Variants in AIM2 observed in about 807,000 individuals in gnomAD.
The protein encoded by AIM2 is interferon-inducible protein AIM2.
Under a neutral mutation model 27.7 loss-of-function variants are expected in AIM2, and 30 were observed. The ratio of observed to expected loss-of-function variants is 1.08; its 90% CI spans 0.81 to 1.47. AIM2 has a LOEUF of 1.47. Among genes scored for constraint, AIM2 ranks in the 40% most tolerant of loss-of-function variants. The probability of loss-of-function intolerance (pLI) is 0.00; values close to 1 mark genes in which losing one functional copy is unlikely to be tolerated. For synonymous variants in AIM2, 141 were observed against 145.3 expected, an observed-to-expected ratio of 0.97 and a Z score of 0.21; for missense variants, 358 against 411.3, an observed-to-expected ratio of 0.87 and a Z score of 1.12.
intron 1 of AIM2, among the ~76,000 whole-genome samples, chr1:159,102,409 G>T (rs961647590): frequency 6.6e-6 from 1 of 152,346 alleles, no homozygotes; most frequent in East Asian, 1.9e-4. Flanking sequence ...TGAGATAGGA[G>T]CCCCCACACA....
At chr1:159,077,809 A>T (rs1484846265), upstream of AIM2, among the ~76,000 whole-genome samples, 1 of 152,128 alleles carries the variant, frequency 6.6e-6, no homozygotes, top group Non-Finnish European at 1.5e-5. Flanking sequence ...TTCCTTTCTT[A>T]TTCATTGAAT....
chr1:159,089,540 A>C (rs1657001534), intron 1 of AIM2, among the ~76,000 whole-genome samples: 3 of 152,162 alleles, frequency 2.0e-5, no homozygotes, highest in Admixed American at 2.0e-4. Flanking sequence ...CCTTACCTAC[A>C]GGCTCCCCTG....
chr1:159,061,692 A>T (rs1367600315), downstream of AIM2, among the ~76,000 whole-genome samples: 3 of 150,570 alleles, frequency 2.0e-5, no homozygotes, highest in Non-Finnish European at 2.9e-5. Context: ...GGTGTGAGCC[A>T]CCGTGCCTGG....
chr1:159,073,188 C>T, intron 2 of AIM2, 50 bp downstream of exon 2: 1 of 1,607,080 alleles, frequency 6.2e-7, no homozygotes, highest in Non-Finnish European at 8.5e-7. Flanking sequence ...AAGGAAAGGC[C>T]CAGGCTTGGC....
intron 3 of AIM2, 103 bp from the exon 4 acceptor site, chr1:159,066,432 T>C: frequency 8.2e-7 from 1 of 1,219,382 alleles, no homozygotes; most frequent in Non-Finnish European, 1.1e-6. Context: ...CAGCAGAAGA[T>C]AGGTGGAATC....
At chr1:159,089,056 T>C (rs988006878) in intron 1 of AIM2, among the ~76,000 whole-genome samples, 2 of 152,242 alleles carry the variant, frequency 1.3e-5, no homozygotes, top group Non-Finnish European at 2.9e-5. Flanking sequence ...CCCTCCTTCA[T>C]ACTTTATTCA....
the AIM2 span, among the ~76,000 whole-genome samples, chr1:159,057,401 A>G: frequency 1.7e-3 from 253 of 152,340 alleles, no homozygotes; most frequent in Admixed American, 3.7e-3. Context: ...TGACACACCT[A>G]GATAACTGGT....
chr1:159,061,174 A>G (rs2101955770), downstream of AIM2, among the ~76,000 whole-genome samples: 1 of 152,300 alleles, frequency 6.6e-6, no homozygotes, highest in Middle Eastern at 3.4e-3. Context: ...AGCACTTGGT[A>G]TGGGTAATCT....
At chr1:159,125,556 G>A (rs138270843) in intron 1 of AIM2, among the ~76,000 whole-genome samples, 64 of 152,346 alleles carry the variant, frequency 4.2e-4, no homozygotes, top group African/African-American at 1.5e-3. Context: ...AAGCCAGAGA[G>A]AGAGAGAACA....
chr1:159,059,137 A>C (rs916679147), downstream of AIM2, among the ~76,000 whole-genome samples: 8 of 152,220 alleles, frequency 5.3e-5, no homozygotes, highest in African/African-American at 1.9e-4. Context: ...TCAAAGAGTG[A>C]AATAATAAAA....
Position 159,073,322 on chromosome 1 carries a change from A to G in AIM2, c.178T>C (p.Ser60Pro). Reference protein sequence around the residue: ...TLMIQNAGAVSAVMKTIRIFQ... With the variant: ...TLMIQNAGAVPAVMKTIRIFQ... ...ATACGAATGGTCTTCATCACTGCAG[A>G]CACCGCCCCAGCATTTTGAATCATC... is the stretch of plus-strand genomic sequence containing the variant. Residue 60 changes from serine (S) to proline (P), a missense_variant, in exon 2 of 6, where the codon TCT (serine) becomes CCT (proline). Physicochemically the swap from Ser to Pro is moderately conservative, Grantham distance 74. Transcript: ENST00000368130. The G allele has an allele frequency of 6.2e-7, 1 of 1,614,178 alleles. No homozygotes were observed. The highest frequency in any genetic ancestry group is 8.5e-7 in the Non-Finnish European group (1 of 1,180,036).
intron 1 of AIM2, among the ~76,000 whole-genome samples, chr1:159,100,885 G>A (rs1657296507): frequency 6.6e-6 from 1 of 152,144 alleles, no homozygotes; most frequent in Admixed American, 6.5e-5. Flanking sequence ...AATCTAAAGG[G>A]CACTGAGGAT....
rs1657471100 is a variant in AIM2, at chr1:159,107,327, T to C, written c.-16+33104A>G. Among the ~76,000 whole-genome samples the C allele has an allele frequency of 2.0e-5, 3 of 150,384 alleles. No individual in the cohort carries two copies. In the South Asian group the frequency reaches 6.2e-4, roughly 31 times the overall value. On this transcript the variant is annotated intron_variant, in intron 1 of 2. Transcript: ENST00000368129. Reference sequence around the variant, plus strand: ...GTGTATGTGTGTGTGTGTGTGTGTGTGTGTGCGCGCACTATAGCATGTTAC... The same window carrying C: ...GTGTATGTGTGTGTGTGTGTGTGTGCGTGTGCGCGCACTATAGCATGTTAC...
At chr1:159,072,489 T>G (rs1240235389) in intron 2 of AIM2, among the ~76,000 whole-genome samples, 1 of 152,250 alleles carries the variant, frequency 6.6e-6, no homozygotes, top group Non-Finnish European at 1.5e-5. Flanking sequence ...GATATGCTCC[T>G]CTGTTAGCTC....
At chr1:159,082,789 C>T (rs973499278) in intron 1 of AIM2, among the ~76,000 whole-genome samples, 1 of 152,152 alleles carries the variant, frequency 6.6e-6, no homozygotes, top group Non-Finnish European at 1.5e-5. Context: ...GGGGGTAACA[C>T]AAACATTCAG....
intron 4 of AIM2, 147 bp from the exon 5 acceptor site, chr1:159,063,821 T>C (rs1333976457): frequency 1.2e-6 from 1 of 837,224 alleles, no homozygotes; most frequent in Non-Finnish European, 1.8e-6. Flanking sequence ...GGTCCATTTA[T>C]ATGGGAATTT....
chr1:159,126,823 CA>C (rs1285545510), intron 1 of AIM2, among the ~76,000 whole-genome samples: 2 of 151,850 alleles, frequency 1.3e-5, no homozygotes, highest in African/African-American at 2.4e-5. Flanking sequence ...TTATAATAGA[CA>C]AAAAACCTGG....
chr1:159,143,996 A>G (rs1352448149), upstream of AIM2, among the ~76,000 whole-genome samples: 5 of 152,204 alleles, frequency 3.3e-5, no homozygotes, highest in Admixed American at 2.6e-4. Context: ...GAGCAGAAAG[A>G]TCCATCTTCA....
downstream of AIM2, among the ~76,000 whole-genome samples, chr1:159,057,495 A>G (rs112246361): frequency 7.4e-4 from 113 of 152,294 alleles, no homozygotes; most frequent in Non-Finnish European, 1.4e-3. Context: ...CCAAAGAGGA[A>G]ACCTTCGAGT....
Sources: allele counts gnomAD v4.1 joint callset (sites outside exome capture counted in the v4.1 genomes callset), GRCh38; gene constraint gnomAD v4.1.1; transcripts MANE v1.5; gene names NCBI Gene and HGNC (gene_info 2026-07-23, HGNC 2026-07-21).